The following ALCAM variants were observed in gnomAD, a reference collection of about 807,000 sequenced individuals.
ALCAM encodes CD166 antigen.
A neutral mutation model predicts 70.9 loss-of-function variants in ALCAM; 30 were observed. The observed-to-expected ratio is 0.42, with a 90% CI of 0.32 to 0.57. ALCAM has a LOEUF of 0.57. Among genes scored for constraint, ALCAM ranks in the 20% least tolerant of loss-of-function variants. The pLI, the probability that ALCAM is intolerant of heterozygous loss-of-function variation, is 0.11. For missense variants in ALCAM, 591 were observed against 695.1 expected, an observed-to-expected ratio of 0.85 and a Z score of 1.68; for synonymous variants, 249 against 242.5, an observed-to-expected ratio of 1.03 and a Z score of -0.25.
intron 3 of ALCAM, chr3:105,524,771 G>A: frequency 8.3e-7 from 1 of 1,197,728 alleles, no homozygotes; most frequent in Non-Finnish European, 1.0e-6. Flanking sequence ...GAGCTATGAA[G>A]TACTACTACT....
chr3:105,392,370 T>C (rs1935844906), intron 1 of ALCAM, among the ~76,000 whole-genome samples: 2 of 151,986 alleles, frequency 1.3e-5, no homozygotes, highest in African/African-American at 4.8e-5. Flanking sequence ...ACGGTGTTTA[T>C]TGTATTCTCT....
chr3:105,505,808 A>T (rs1296515257), intron 1 of ALCAM, among the ~76,000 whole-genome samples: 2 of 152,206 alleles, frequency 1.3e-5, no homozygotes, highest in Non-Finnish European at 2.9e-5. Context: ...AATATTAGAT[A>T]AAGATATAAC....
intron 1 of ALCAM, among the ~76,000 whole-genome samples, chr3:105,441,972 T>A (rs1206773481): frequency 6.6e-6 from 1 of 152,230 alleles, no homozygotes; most frequent in Non-Finnish European, 1.5e-5. Flanking sequence ...CAAATAGCAT[T>A]TAGAATCTAT....
At chr3:105,505,328 G>A (rs892860330) in intron 1 of ALCAM, among the ~76,000 whole-genome samples, 13 of 152,148 alleles carry the variant, frequency 8.5e-5, no homozygotes, top group Non-Finnish European at 1.6e-4. Context: ...GAGGAACCAG[G>A]GACATCTTAC....
At chr3:105,403,158 G>C (rs1280103136) in intron 1 of ALCAM, among the ~76,000 whole-genome samples, 1 of 151,962 alleles carries the variant, frequency 6.6e-6, no homozygotes, top group African/African-American at 2.4e-5. Flanking sequence ...TGTTGGCCAG[G>C]CTGGTCTCGA....
At chr3:105,555,874 C>T (rs1053553869) in intron 14 of ALCAM, among the ~76,000 whole-genome samples, 2 of 151,716 alleles carry the variant, frequency 1.3e-5, no homozygotes, top group Non-Finnish European at 2.9e-5. Context: ...ATATAACTTC[C>T]CAATGGAAGT....
intron 1 of ALCAM, among the ~76,000 whole-genome samples, chr3:105,497,952 A>C (rs1938801977): frequency 6.6e-6 from 1 of 151,658 alleles, no homozygotes. Context: ...AATGGTGTGA[A>C]CCTGGGAGGC....
chr3:105,509,544 T>G (rs993464790), intron 1 of ALCAM, among the ~76,000 whole-genome samples: 2 of 151,904 alleles, frequency 1.3e-5, no homozygotes, highest in Non-Finnish European at 2.9e-5. Flanking sequence ...CATGTGCCTG[T>G]TTTTTTTATC....
chr3:105,568,062 TA>T (rs10551440), intron 14 of ALCAM, among the ~76,000 whole-genome samples: 1,457 of 98,984 alleles, frequency 0.015, 23 homozygotes, highest in African/African-American at 0.039. Context: ...TATTTTATTT[TA>T]TTTTTTTTTT....
At chr3:105,443,243 C>T (rs1037771377) in intron 1 of ALCAM, among the ~76,000 whole-genome samples, 7 of 152,160 alleles carry the variant, frequency 4.6e-5, no homozygotes, top group Non-Finnish European at 1.0e-4. Flanking sequence ...CACTAATTCT[C>T]TCAAGAAGAC....
At chr3:105,397,806 G>T (rs1182442237) in intron 1 of ALCAM, among the ~76,000 whole-genome samples, 1 of 152,010 alleles carries the variant, frequency 6.6e-6, no homozygotes. Flanking sequence ...TTTGATAAAT[G>T]GAATTATTTA....
chr3:105,378,353 G>T (rs148315573), intron 1 of ALCAM, among the ~76,000 whole-genome samples: 2,343 of 151,958 alleles, frequency 0.015, 26 homozygotes, highest in Middle Eastern at 0.048. Context: ...TTTCTGCCTG[G>T]TATTTAGTTT....
chr3:105,473,035 T>C (rs1307182242), intron 1 of ALCAM, among the ~76,000 whole-genome samples: 2 of 151,500 alleles, frequency 1.3e-5, no homozygotes, highest in Non-Finnish European at 3.0e-5. Context: ...CACATGTTGG[T>C]TGGAAATTTC....
chr3:105,419,515 C>A (rs868026874), intron 1 of ALCAM, among the ~76,000 whole-genome samples: 2 of 151,708 alleles, frequency 1.3e-5, no homozygotes, highest in Non-Finnish European at 2.9e-5. Flanking sequence ...AGAGGTGATA[C>A]GCCAAACTGC....
intron 7 of ALCAM, 135 bp from the exon 8 acceptor site, chr3:105,541,498 A>G: frequency 1.1e-6 from 1 of 879,592 alleles, no homozygotes; most frequent in Non-Finnish European, 1.6e-6. Flanking sequence ...CACAAACTGT[A>G]CTCTTTTTGT....
intron 1 of ALCAM, among the ~76,000 whole-genome samples, chr3:105,496,783 G>A (rs1938751418): frequency 6.6e-6 from 1 of 151,456 alleles, no homozygotes; most frequent in Non-Finnish European, 1.5e-5. Flanking sequence ...TTCTCATTCT[G>A]CTTGGTGCAT....
At chr3:105,445,339 A>C (rs921838360) in intron 1 of ALCAM, among the ~76,000 whole-genome samples, 2 of 152,224 alleles carry the variant, frequency 1.3e-5, no homozygotes, top group African/African-American at 4.8e-5. Flanking sequence ...GAAGACACAA[A>C]TAAATGGAAA....
intron 1 of ALCAM, among the ~76,000 whole-genome samples, chr3:105,492,655 T>C (rs1938619344): frequency 6.6e-6 from 1 of 152,210 alleles, no homozygotes; most frequent in African/African-American, 2.4e-5. Context: ...TGAACTAATA[T>C]GGAAACTCCT....
chr3:105,437,743 C>T lies in ALCAM; in HGVS notation c.73+70262C>T, dbSNP rs566177381. Among the ~76,000 whole-genome samples the T allele has an allele frequency of 7.2e-5, 11 of 151,926 alleles. No individual in the cohort carries two copies. In the South Asian group the frequency reaches 2.3e-3, roughly 32 times the overall value. ...TGGAAAATTTTTCTTTTGAAATCTA[C>T]CCCAAAATTTATTACAATAGTGTAA... On this transcript the variant is annotated intron_variant, in intron 1 of 15. Transcript: ENST00000306107.
Sources: allele counts gnomAD v4.1 joint callset (sites outside exome capture counted in the v4.1 genomes callset), GRCh38; gene constraint gnomAD v4.1.1; transcripts MANE v1.5; gene names NCBI Gene and HGNC (gene_info 2026-07-23, HGNC 2026-07-21).